Variants in ZSCAN18 observed in about 807,000 individuals in gnomAD.
ZSCAN18 encodes zinc finger and SCAN domain-containing protein 18.
In ZSCAN18, 16 loss-of-function variants were observed where a neutral mutation model predicts 31.1. The observed-to-expected ratio is 0.51, with a 90% confidence interval of 0.35 to 0.78. ZSCAN18 has a LOEUF of 0.78. Ranked by LOEUF, ZSCAN18 falls within the 30% of genes least tolerant of loss-of-function variation. The probability of loss-of-function intolerance (pLI) is 0.01; values close to 1 mark genes in which losing one functional copy is unlikely to be tolerated. For synonymous variants in ZSCAN18, 375 were observed against 320.7 expected, an observed-to-expected ratio of 1.17 and a Z score of -1.81; for missense variants, 731 against 697.4, an observed-to-expected ratio of 1.05 and a Z score of -0.54.
chr19:58,099,276 T>A (rs2074572357), upstream of ZSCAN18, among the ~76,000 whole-genome samples: 1 of 152,082 alleles, frequency 6.6e-6, no homozygotes, highest in African/African-American at 2.4e-5. Flanking sequence ...TCCCCACCCA[T>A]AACCCCAGGA....
Position 58,088,781 on chromosome 19 carries a change from C to T in ZSCAN18, c.460G>A (p.Glu154Lys), listed in dbSNP as rs946923281. The T allele has an allele frequency of 3.7e-6, 6 of 1,612,272 alleles. No homozygotes were observed. The highest frequency in any genetic ancestry group is 1.1e-5 in the South Asian group (1 of 91,088). Reference sequence around the variant, plus strand: ...AGCAGCAGAGGGTCCATGTGCCTCTCGTACACTCCATCGCTAAGAATTGAG... The same window carrying T: ...AGCAGCAGAGGGTCCATGTGCCTCTTGTACACTCCATCGCTAAGAATTGAG... Reference protein sequence around the residue: ...SSSILSDGVYERHMDPLLLPG... With the variant: ...SSSILSDGVYKRHMDPLLLPG... The change falls in exon 3 of 7, where the codon GAG (glutamate) becomes AAG (lysine). Residue 154 changes from glutamate to lysine, a missense_variant. By Grantham distance (56) the Glu-to-Lys change is moderately conservative. This residue lies in a region of ZSCAN18 where 597 missense variants were observed against 499.5 expected (regional missense o/e 1.20). Transcript: ENST00000601144.
Position 58,085,203 on chromosome 19 carries a change from G to C in ZSCAN18, c.1015C>G (p.Gln339Glu), listed in dbSNP as rs762340906. ...PGKAPDPQDP[Q>E]DAESDSATGS... ...GTGGCAGAGTCGGACTCCGCGTCCT[G>C]GGGGTCCTGCGGGTCCGGGGCCTTC... Residue 339 changes from glutamine to glutamate, a missense_variant, in exon 7 of 7, where the codon CAG becomes GAG. This residue lies in a region of ZSCAN18 where 597 missense variants were observed against 499.5 expected (regional missense o/e 1.20). Coordinates refer to ENST00000601144, the MANE Select transcript of ZSCAN18 (RefSeq NM_001145543.2). 5 of 1,609,388 alleles carry C rather than the reference G, an allele frequency of 3.1e-6. No individual in the cohort carries two copies. In the South Asian group the frequency reaches 4.4e-5, roughly 14 times the overall value.
chr19:58,106,079 G>A (rs2074632256), intron 1 of ZSCAN18, among the ~76,000 whole-genome samples: 2 of 152,170 alleles, frequency 1.3e-5, no homozygotes, highest in Admixed American at 1.3e-4. Flanking sequence ...AAAACCTTCT[G>A]GAAATGATTC....
At chr19:58,102,667 TC>T, upstream of ZSCAN18, among the ~76,000 whole-genome samples, 1 of 150,588 alleles carries the variant, frequency 6.6e-6, no homozygotes. Flanking sequence ...TTGTACTGCA[TC>T]GGATATGTCA....
Position 58,090,296 on chromosome 19 carries a change from C to T in ZSCAN18, c.-29G>A. 1.2e-6 allele frequency: 2 copies of T among 1,613,488 alleles called. No homozygotes were observed. The highest frequency in any genetic ancestry group is 1.1e-5 in the South Asian group (1 of 91,068). ...TCCAAAACGGCACTGGAAAATGTGA[C>T]TGTCTAGCCAGGGACAAGGTGGCTC... On this transcript the variant is annotated 5_prime_UTR_variant, in exon 2 of 7. Transcript: ENST00000601144. The surrounding 1 kb of genome is among the most constrained non-coding windows in gnomAD (Gnocchi z 4.7).
intron 1 of ZSCAN18, chr19:58,108,111 A>AT (rs768493405): frequency 6.1e-6 from 6 of 989,040 alleles, no homozygotes; most frequent in East Asian, 1.1e-4. Context: ...TTCCAGAATG[A>AT]TTTTTTTGAT....
rs2074656782 is a variant in ZSCAN18 at position 58,108,880 on chromosome 19, G to A, written c.130+9387C>T. 6.9e-6 allele frequency: 7 copies of A among 1,008,998 alleles called. No individual in the cohort carries two copies. The South Asian group carries it at 3.3e-4, about 47-fold the overall frequency. The allele number at this position is 1,008,998 out of a possible 1,614,324, so 62.5% of individuals were successfully genotyped here. A position where few individuals can be genotyped will look rare whatever the true frequency, so the allele number is the denominator to read the frequency against. ...TGTTAGATCTTCATCAAGGTGGCTA[G>A]GTTGTCCACCCTGGCTGATGGCTGC... On this transcript the variant is annotated intron_variant, in intron 1 of 1. Coordinates refer to the ZSCAN18 transcript ENST00000595721.
At chr19:58,099,964 GTTTT>G (rs55769261), upstream of ZSCAN18, among the ~76,000 whole-genome samples, 1 of 136,114 alleles carries the variant, frequency 7.3e-6, no homozygotes, top group African/African-American at 2.7e-5. Flanking sequence ...TGAAAGCTAT[GTTTT>G]TTTTTTTTTT....
intron 1 of ZSCAN18, chr19:58,109,041 G>C: frequency 8.2e-7 from 1 of 1,222,042 alleles, no homozygotes; most frequent in Non-Finnish European, 1.0e-6. Context: ...ATGAAGCTAG[G>C]ACTGAGCAGA....
rs549824882 is a variant in ZSCAN18 at position 58,117,929 on chromosome 19, G to A, written c.130+338C>T. Among the ~76,000 whole-genome samples, 3 of 151,810 alleles carry A rather than the reference G, an allele frequency of 2.0e-5. No homozygotes were observed. The South Asian group carries it at 6.2e-4, about 31-fold the overall frequency. On this transcript the variant is annotated intron_variant, in intron 1 of 1. Transcript: ENST00000595721. ...GAGTTGGCACCGCACTGGGGAGAAG[G>A]GTATGGGGGCCCACGCCCAACGAAG... is the stretch of plus-strand genomic sequence containing the variant.
chr19:58,108,508 T>C (rs749273557), intron 1 of ZSCAN18: 2 of 986,086 alleles, frequency 2.0e-6, no homozygotes, highest in Non-Finnish European at 2.4e-6. Context: ...CTTGCATTTA[T>C]AGGATTTCTC....
chr19:58,108,286 G>C (rs940823179), intron 1 of ZSCAN18: 12 of 985,320 alleles, frequency 1.2e-5, no homozygotes, highest in Non-Finnish European at 1.4e-5. Context: ...TGAATTCTCA[G>C]ATGGACAATA....
rs763230938 is a variant in ZSCAN18, at chr19:58,084,721, G to A, written c.1497C>T (p.Gly499=). The change falls in exon 7 of 7, where the codon GGC becomes GGT. Residue 499 remains glycine, a synonymous_variant. Coordinates refer to ENST00000601144, the MANE Select transcript of ZSCAN18 (RefSeq NM_001145543.2). This position sits in a 1 kb window ranked among gnomAD's most constrained non-coding sequence, Gnocchi z 4.5. ...CCTCTGGGGGTGCGGGGGGAGCCTCGCCCTCCACGCTCTCTGGGGGACCGC... is the reference window on the plus strand; with the variant it reads ...CCTCTGGGGGTGCGGGGGGAGCCTCACCCTCCACGCTCTCTGGGGGACCGC... ...RAGGPPESVE[G]EAPPAPPEAQ... is the part of the protein sequence containing the mutation. The A allele has an allele frequency of 9.9e-6, 15 of 1,515,820 alleles. No homozygotes were observed. The highest frequency in any genetic ancestry group is 2.6e-5 in the South Asian group (2 of 77,200). 93.9% of individuals were successfully genotyped at this position (1,515,820 alleles called of 1,614,324 possible). A position where few individuals can be genotyped will look rare whatever the true frequency, so the allele number is the denominator to read the frequency against.
rs183304547 is a variant in ZSCAN18, at chr19:58,097,692, C to T, written c.-120+482G>A. The stretch of plus-strand genomic sequence containing the variant: ...ACCCTCAGCCCCCACTTCCTCCCCT[C>T]CTCTTCCCTTCAGGAGCCTCCCCCT... On this transcript the variant is annotated intron_variant, in intron 1 of 6. Transcript: ENST00000601144. 8.9e-3 allele frequency among the ~76,000 whole-genome samples: 1,306 copies of T among 146,126 alleles called. 6 individuals are homozygous for T. The highest frequency in any genetic ancestry group is 0.014 in the Non-Finnish European group (913 of 65,938).
chr19:58,093,890 C>T (rs1204474145), intron 1 of ZSCAN18, among the ~76,000 whole-genome samples: 2 of 151,996 alleles, frequency 1.3e-5, no homozygotes, highest in Admixed American at 1.3e-4. Context: ...CTCAGCCTCC[C>T]GAGTCACTGG....
At chr19:58,112,571 A>G (rs2074692574) in intron 1 of ZSCAN18, among the ~76,000 whole-genome samples, 1 of 151,992 alleles carries the variant, frequency 6.6e-6, no homozygotes. Context: ...GAATGGCGTG[A>G]ACCCAGGAGG....
chr19:58,097,746 C>T (rs1189754294), intron 1 of ZSCAN18, among the ~76,000 whole-genome samples: 1 of 125,574 alleles, frequency 8.0e-6, no homozygotes, highest in East Asian at 2.6e-4. Context: ...AGGAGCCTCC[C>T]CCTCCCCCTT....
At chr19:58,113,611 C>G (rs1164335553) in intron 1 of ZSCAN18, among the ~76,000 whole-genome samples, 3 of 152,100 alleles carry the variant, frequency 2.0e-5, no homozygotes, top group Non-Finnish European at 4.4e-5. Context: ...CTTGACTTTT[C>G]TCTTTGACTA....
Position 58,091,757 on chromosome 19 carries a change from G to A in ZSCAN18, c.-119-1371C>T, listed in dbSNP as rs542966099. On this transcript the variant is annotated intron_variant, in intron 1 of 6. Transcript: ENST00000601144. ...TGTCCAGGCCTCCAGTCGGCCTCGG[G>A]CTCTCATGTCACTGGCTATGGACAC... Among the ~76,000 whole-genome samples, 37 of 152,290 alleles carry A rather than the reference G, an allele frequency of 2.4e-4. 1 individual carries two copies. Among genetic ancestry groups the A allele is most frequent in the Admixed American group, 1.7e-3 (26 of 15,294 alleles).
Sources: allele counts gnomAD v4.1 joint callset (sites outside exome capture counted in the v4.1 genomes callset), GRCh38; gene constraint gnomAD v4.1.1; regional missense constraint gnomAD v4.1.1; non-coding constraint Gnocchi (gnomAD v3.1); transcripts MANE v1.5; gene names NCBI Gene and HGNC (gene_info 2026-07-23, HGNC 2026-07-21).